The following RREB1 variants were observed in gnomAD, a reference collection of about 807,000 sequenced individuals.
The protein encoded by RREB1 is ras-responsive element-binding protein 1.
In RREB1, 27 loss-of-function variants were observed where a neutral mutation model predicts 117.8. That is an observed-to-expected ratio of 0.23 (90% CI 0.17 to 0.32). The LOEUF (loss-of-function observed/expected upper bound fraction) is 0.32. Among genes scored for constraint, RREB1 ranks in the 10% least tolerant of loss-of-function variants. RREB1 has a pLI of 1.00. For synonymous variants in RREB1, 1,298 were observed against 1,026.7 expected (o/e 1.26, Z -5.05); for missense variants, 2,577 against 2,378.2 (o/e 1.08, Z -1.74).
chr6:7,153,670 T>G (rs1375241927), intron 1 of RREB1, among the ~76,000 whole-genome samples: 1 of 152,208 alleles, frequency 6.6e-6, no homozygotes. Flanking sequence ...ATCTCAGATC[T>G]GTTTGATAGG....
At chr6:7,203,913 T>A (rs1156703003) in intron 6 of RREB1, among the ~76,000 whole-genome samples, 1 of 152,192 alleles carries the variant, frequency 6.6e-6, no homozygotes, top group Non-Finnish European at 1.5e-5. Context: ...GACTTTGTCA[T>A]GGCCTCTGTG....
intron 6 of RREB1, among the ~76,000 whole-genome samples, chr6:7,189,689 A>G (rs1022357841): frequency 2.6e-5 from 4 of 152,254 alleles, no homozygotes; most frequent in African/African-American, 9.6e-5. Context: ...TATGCCTACC[A>G]GATTCCTGAC....
At chr6:7,170,772 G>C (rs1396576772) in intron 1 of RREB1, among the ~76,000 whole-genome samples, 1 of 152,188 alleles carries the variant, frequency 6.6e-6, no homozygotes, top group Non-Finnish European at 1.5e-5. Context: ...CCAGGGCCTT[G>C]GTTTTTGCTC....
In RREB1 at chr6:7,230,824, C is replaced by T. The variant is rs761173982; in HGVS notation, c.2725C>T (p.Leu909=). Residue 909 remains leucine, a synonymous_variant, in exon 10 of 13, where the codon CTG becomes TTG. Coordinates refer to ENST00000379938, the MANE Select transcript of RREB1 (RefSeq NM_001003699.4). ...GGACTTCTCGCAGAAGGGCCTGGCC[C>T]TGGTCCAAGTGAAGCAGGAAAACAT... The part of the protein sequence containing the change: ...PLDFSQKGLA[L]VQVKQENISF... The T allele has an allele frequency of 3.1e-6, 5 of 1,614,270 alleles. No homozygotes were observed. The highest frequency in any genetic ancestry group is 3.4e-6 in the Non-Finnish European group (4 of 1,180,048).
chr6:7,149,263 C>T (rs1172693708), intron 1 of RREB1, among the ~76,000 whole-genome samples: 3 of 151,976 alleles, frequency 2.0e-5, no homozygotes, highest in African/African-American at 7.3e-5. Flanking sequence ...ATATTTATCA[C>T]CAAAAGAATA....
intron 1 of RREB1, among the ~76,000 whole-genome samples, chr6:7,171,969 A>G (rs1400430857): frequency 2.0e-5 from 3 of 149,654 alleles, no homozygotes; most frequent in Admixed American, 6.6e-5. Context: ...TTTTGGAGAT[A>G]AAGTCTGGCC....
chr6:7,223,720 C>T (rs369185404), intron 8 of RREB1, among the ~76,000 whole-genome samples: 5 of 152,158 alleles, frequency 3.3e-5, no homozygotes, highest in East Asian at 3.8e-4. Flanking sequence ...ATACTACCTA[C>T]GTACACACAT....
intron 6 of RREB1, among the ~76,000 whole-genome samples, chr6:7,190,310 G>A (rs1765336740): frequency 6.6e-6 from 1 of 151,950 alleles, no homozygotes; most frequent in Admixed American, 6.6e-5. Context: ...TTTCTTTCAT[G>A]CTATTTTGAC....
intron 1 of RREB1, among the ~76,000 whole-genome samples, chr6:7,165,340 A>T (rs1162405878): frequency 6.6e-6 from 1 of 152,244 alleles, no homozygotes; most frequent in East Asian, 1.9e-4. Context: ...TTAAGGGAAG[A>T]TAAAAGGAAA....
At chr6:7,174,024 G>A (rs1244282402) in intron 1 of RREB1, among the ~76,000 whole-genome samples, 1 of 152,050 alleles carries the variant, frequency 6.6e-6, no homozygotes, top group Non-Finnish European at 1.5e-5. Context: ...TCCTGCCTCC[G>A]TTGACTTTGC....
chr6:7,108,707 CCGGGGGTGCCTGCCCGGGGTGCTCGCG>C (rs535550707), intron 1 of RREB1: 2,166 of 152,550 alleles, frequency 0.014, 24 homozygotes, highest in Middle Eastern at 0.027. Flanking sequence ...CCTAAGGTAT[CCGGGGGTGCCTGCCCGGGGTGCTCGCG>C]CGGGGGTGCC....
chr6:7,238,251 T>C (rs777647891), intron 10 of RREB1, among the ~76,000 whole-genome samples: 14 of 152,240 alleles, frequency 9.2e-5, no homozygotes, highest in African/African-American at 3.4e-4. Context: ...CATTTTATTT[T>C]ATTTTTGAGA....
At chr6:7,151,201 C>T (rs1386671353) in intron 1 of RREB1, among the ~76,000 whole-genome samples, 1 of 152,154 alleles carries the variant, frequency 6.6e-6, no homozygotes, top group Non-Finnish European at 1.5e-5. Context: ...TAAATGCAAT[C>T]AGTCTGCTTT....
chr6:7,229,174 G>A lies in RREB1; in HGVS notation c.1075G>A (p.Asp359Asn). Residue 359 changes from aspartate to asparagine, a missense_variant, in exon 10 of 13, where the codon GAC (aspartate) becomes AAC (asparagine). Asp to Asn is a conservative substitution (Grantham distance 23). Transcript: ENST00000379938. This position sits in a 1 kb window ranked among gnomAD's most constrained non-coding sequence, Gnocchi z 4.5. ...CACGCCCCTGCCTGGTGACGCCCTGGACCAGAAGGGCTTCCTGGCCTTGCT... is the reference window on the plus strand; with the variant it reads ...CACGCCCCTGCCTGGTGACGCCCTGAACCAGAAGGGCTTCCTGGCCTTGCT... ...QATPLPGDAL[D>N]QKGFLALLGL... 1 of 1,610,626 alleles carries A rather than the reference G, an allele frequency of 6.2e-7. No individual in the cohort carries two copies.
chr6:7,240,751 AG>A, intron 11 of RREB1, 149 bp downstream of exon 11: 1 of 650,310 alleles, frequency 1.5e-6, no homozygotes, highest in Non-Finnish European at 2.5e-6. Flanking sequence ...ATAGAAAGGC[AG>A]GCCCTGCTGA....
At chr6:7,241,456 G>T (rs1768698049) in intron 11 of RREB1, among the ~76,000 whole-genome samples, 1 of 152,128 alleles carries the variant, frequency 6.6e-6, no homozygotes, top group Non-Finnish European at 1.5e-5. Flanking sequence ...GTCCAGTTTT[G>T]CAAGTCTTGA....
chr6:7,172,207 A>G (rs1764248521), intron 1 of RREB1, among the ~76,000 whole-genome samples: 1 of 151,900 alleles, frequency 6.6e-6, no homozygotes, highest in African/African-American at 2.4e-5. Flanking sequence ...GGCCTCCCAA[A>G]GTGGTGGGAT....
chr6:7,109,949 C>T (rs1215314402), intron 1 of RREB1, among the ~76,000 whole-genome samples: 1 of 152,150 alleles, frequency 6.6e-6, no homozygotes, highest in Non-Finnish European at 1.5e-5. Flanking sequence ...AAATTGAACC[C>T]TCTTAGAGTT....
Position 7,158,553 on chromosome 6 carries a change from A to G in RREB1, c.-284-18102A>G, listed in dbSNP as rs563104039. Among the ~76,000 whole-genome samples, 40 of 152,134 alleles carry G rather than the reference A, an allele frequency of 2.6e-4. 1 individual carries two copies. Among genetic ancestry groups the G allele is most frequent in the Admixed American group, 2.1e-3 (32 of 15,270 alleles). ...TACTTCCTGGGTATCAGCTCCCTCC[A>G]GCCTCCACCTCCATACCCTTCCTCT... On this transcript the variant is annotated intron_variant, in intron 1 of 12. Transcript: ENST00000379938.
Sources: allele counts gnomAD v4.1 joint callset (sites outside exome capture counted in the v4.1 genomes callset), GRCh38; gene constraint gnomAD v4.1.1; non-coding constraint Gnocchi (gnomAD v3.1); transcripts MANE v1.5; gene names NCBI Gene and HGNC (gene_info 2026-07-23, HGNC 2026-07-21).